ARK2C: variants seen among roughly 807,000 people sequenced by gnomAD.
ARK2C encodes E3 ubiquitin-protein ligase ARK2C.
the ARK2C span, among the ~76,000 whole-genome samples, chr18:46,449,078 C>A: frequency 6.6e-6 from 1 of 152,178 alleles, no homozygotes; most frequent in East Asian, 1.9e-4. Flanking sequence ...CTGTTCTAAG[C>A]AGTTCATGTA....
the ARK2C span, among the ~76,000 whole-genome samples, chr18:46,378,171 C>T: frequency 6.6e-6 from 1 of 152,190 alleles, no homozygotes; most frequent in Non-Finnish European, 1.5e-5. Context: ...CTGCACCAAA[C>T]CATTTATCAA....
At chr18:46,445,993 G>C in the ARK2C span, among the ~76,000 whole-genome samples, 7 of 150,808 alleles carry the variant, frequency 4.6e-5, no homozygotes, top group African/African-American at 1.7e-4. Flanking sequence ...TTGCATTCTT[G>C]TGTTGTCACT....
At chr18:46,378,941 G>A in the ARK2C span, among the ~76,000 whole-genome samples, 8 of 152,198 alleles carry the variant, frequency 5.3e-5, no homozygotes, top group Non-Finnish European at 1.0e-4. Context: ...TGAATAAGCA[G>A]CTGAAACAAA....
chr18:46,417,034 A>C, the ARK2C span, among the ~76,000 whole-genome samples: 1 of 152,204 alleles, frequency 6.6e-6, no homozygotes, highest in Non-Finnish European at 1.5e-5. Flanking sequence ...AGCCACACCA[A>C]TCTTCTAGTT....
At chr18:46,345,780 A>T in the ARK2C span, among the ~76,000 whole-genome samples, 1 of 152,216 alleles carries the variant, frequency 6.6e-6, no homozygotes, top group Non-Finnish European at 1.5e-5. Flanking sequence ...GTGACATTTC[A>T]TTCAGGCAGG....
At chr18:46,452,118 C>G in the ARK2C span, among the ~76,000 whole-genome samples, 1 of 152,134 alleles carries the variant, frequency 6.6e-6, no homozygotes, top group African/African-American at 2.4e-5. Context: ...AATGGTGCAA[C>G]ACAGAGCAAA....
At chr18:46,419,991 T>C in the ARK2C span, among the ~76,000 whole-genome samples, 1 of 152,086 alleles carries the variant, frequency 6.6e-6, no homozygotes, top group Non-Finnish European at 1.5e-5. Context: ...CCCAGAGTGC[T>C]AGACAGGGCT....
At chr18:46,406,175 CA>C in the ARK2C span, among the ~76,000 whole-genome samples, 2 of 152,188 alleles carry the variant, frequency 1.3e-5, no homozygotes, top group Non-Finnish European at 2.9e-5. Flanking sequence ...TGTGCACCCC[CA>C]ATACGCCTGC....
At chr18:46,448,876 T>G in the ARK2C span, among the ~76,000 whole-genome samples, 3 of 152,190 alleles carry the variant, frequency 2.0e-5, no homozygotes, top group African/African-American at 7.2e-5. Flanking sequence ...TAAAGCATAA[T>G]TCCACCTTCC....
chr18:46,363,945 C>CTTTTTTTTTTTTTTTTTTTTTCTT, the ARK2C span, among the ~76,000 whole-genome samples: 1 of 125,578 alleles, frequency 8.0e-6, no homozygotes, highest in African/African-American at 3.1e-5. Context: ...TTTTTCTTTT[C>CTTTTTTTTTTTTTTTTTTTTTCTT]TTTTTTTTTT....
chr18:46,432,229 A>G, the ARK2C span, among the ~76,000 whole-genome samples: 1 of 152,230 alleles, frequency 6.6e-6, no homozygotes, highest in Non-Finnish European at 1.5e-5. Context: ...TTTTCTTGTC[A>G]TCAAGCTCAA....
At chr18:46,393,350 C>T in the ARK2C span, among the ~76,000 whole-genome samples, 3 of 152,244 alleles carry the variant, frequency 2.0e-5, no homozygotes, top group South Asian at 6.2e-4. Context: ...TGCATCTGGC[C>T]AGGCCCTGCC....
At chr18:46,387,726 C>T in the ARK2C span, among the ~76,000 whole-genome samples, 3 of 152,252 alleles carry the variant, frequency 2.0e-5, no homozygotes, top group Non-Finnish European at 4.4e-5. Flanking sequence ...AACGCTGGGA[C>T]GGGAGAAGCT....
chr18:46,438,314 C>T, the ARK2C span, among the ~76,000 whole-genome samples: 7 of 152,306 alleles, frequency 4.6e-5, no homozygotes, highest in East Asian at 9.6e-4. Flanking sequence ...CCTGGTCAGA[C>T]TTCTTTAGGG....
chr18:46,367,854 G>A, the ARK2C span, among the ~76,000 whole-genome samples: 1 of 152,170 alleles, frequency 6.6e-6, no homozygotes, highest in Admixed American at 6.5e-5. Flanking sequence ...CTCTGCTTCT[G>A]GATATTCATT....
At chr18:46,412,096 G>A in the ARK2C span, among the ~76,000 whole-genome samples, 118 of 151,990 alleles carry the variant, frequency 7.8e-4, 2 homozygotes, top group African/African-American at 2.7e-3. Flanking sequence ...TCAGCTCAGC[G>A]GGAGACAACG....
At chr18:46,405,589 C>T in the ARK2C span, among the ~76,000 whole-genome samples, 2 of 152,098 alleles carry the variant, frequency 1.3e-5, no homozygotes, top group Admixed American at 6.5e-5. Flanking sequence ...AGGAAAAATG[C>T]TAAGAAGGTT....
chr18:46,384,441 C>A, the ARK2C span, among the ~76,000 whole-genome samples: 1 of 152,174 alleles, frequency 6.6e-6, no homozygotes, highest in South Asian at 2.1e-4. Context: ...TTGGGAGGCC[C>A]CTCTTTCTTA....
At chr18:46,351,485 G>A in the ARK2C span, among the ~76,000 whole-genome samples, 1 of 152,178 alleles carries the variant, frequency 6.6e-6, no homozygotes, top group African/African-American at 2.4e-5. Flanking sequence ...AAATGGTAAG[G>A]TTTGCTAAGG....
Sources: gnomAD v4.1 joint callset for allele counts (sites outside exome capture counted in the v4.1 genomes callset) on GRCh38, gnomAD v4.1.1 for gene constraint, MANE v1.5 for transcripts, NCBI Gene and HGNC (gene_info 2026-07-23, HGNC 2026-07-21) for gene names.